Variants in GALNT13 observed in about 807,000 individuals in gnomAD.
The protein encoded by GALNT13 is UDP-GalNAc:polypeptide N-acetylgalactosaminyltransferase 13.
Under a neutral mutation model 64.2 loss-of-function variants are expected in GALNT13, and 28 were observed. The observed-to-expected ratio is 0.44, with a 90% CI of 0.32 to 0.60. The LOEUF (loss-of-function observed/expected upper bound fraction) is 0.60, where lower values mean the gene tolerates loss of function less well. Ranked by LOEUF, GALNT13 falls within the 20% of genes least tolerant of loss-of-function variation. GALNT13 has a pLI of 0.05. For missense variants in GALNT13, 577 were observed against 669.8 expected (o/e 0.86, Z 1.53); for synonymous variants, 214 against 224.6 (o/e 0.95, Z 0.42).
chr2:153,491,497 C>G, the GALNT13 span, among the ~76,000 whole-genome samples: 1 of 152,044 alleles, frequency 6.6e-6, no homozygotes, highest in East Asian at 1.9e-4. Flanking sequence ...TGAGCACAGA[C>G]TCTCCCTGTG....
At chr2:154,128,832 G>A (rs1488902522) in intron 3 of GALNT13, among the ~76,000 whole-genome samples, 1 of 152,090 alleles carries the variant, frequency 6.6e-6, no homozygotes, top group Non-Finnish European at 1.5e-5. Flanking sequence ...ATGGCTGCTA[G>A]AGCATCTGAA....
the GALNT13 span, among the ~76,000 whole-genome samples, chr2:153,795,814 T>G: frequency 1.1e-4 from 16 of 152,232 alleles, no homozygotes; most frequent in African/African-American, 3.9e-4. Context: ...TACGTTCTCC[T>G]ACTATATCAA....
chr2:154,249,642 T>C (rs1200822396), intron 7 of GALNT13, among the ~76,000 whole-genome samples: 1 of 152,174 alleles, frequency 6.6e-6, no homozygotes, highest in Non-Finnish European at 1.5e-5. Flanking sequence ...TGGACTCTTT[T>C]ACCTTTAATC....
intron 11 of GALNT13, among the ~76,000 whole-genome samples, chr2:154,416,940 T>A (rs1700033778): frequency 6.6e-6 from 1 of 152,234 alleles, no homozygotes; most frequent in Admixed American, 6.5e-5. Flanking sequence ...AGTGTGTCTA[T>A]AATTACCTTT....
At chr2:153,310,975 A>C in the GALNT13 span, among the ~76,000 whole-genome samples, 1 of 152,200 alleles carries the variant, frequency 6.6e-6, no homozygotes, top group Admixed American at 6.5e-5. Flanking sequence ...TGCTGGAAGA[A>C]ACTTGTGATG....
At chr2:153,189,221 C>G in the GALNT13 span, among the ~76,000 whole-genome samples, 1 of 152,102 alleles carries the variant, frequency 6.6e-6, no homozygotes, top group Non-Finnish European at 1.5e-5. Context: ...CCGTCCCATT[C>G]CCCAAAACCC....
At chr2:153,902,903 C>A (rs988012358) in intron 2 of GALNT13, among the ~76,000 whole-genome samples, 2 of 152,162 alleles carry the variant, frequency 1.3e-5, no homozygotes, top group East Asian at 1.9e-4. Flanking sequence ...GCTCCAGAGT[C>A]ATTGCAGTTT....
At chr2:153,324,840 T>C in the GALNT13 span, among the ~76,000 whole-genome samples, 1 of 152,186 alleles carries the variant, frequency 6.6e-6, no homozygotes, top group East Asian at 1.9e-4. Flanking sequence ...GCCAACTTGA[T>C]TGTGGTGGAT....
the GALNT13 span, among the ~76,000 whole-genome samples, chr2:153,727,701 A>G: frequency 1.3e-5 from 2 of 152,098 alleles, no homozygotes; most frequent in South Asian, 2.1e-4. Context: ...ATGTTTCTTA[A>G]TAACTAATGA....
At chr2:154,276,077 A>G (rs552088339) in intron 8 of GALNT13, among the ~76,000 whole-genome samples, 1 of 152,262 alleles carries the variant, frequency 6.6e-6, no homozygotes, top group Admixed American at 6.5e-5. Context: ...CCCCCATTGT[A>G]TCTAGGAGGT....
the GALNT13 span, among the ~76,000 whole-genome samples, chr2:153,384,323 T>C: frequency 1.3e-5 from 2 of 152,068 alleles, no homozygotes; most frequent in African/African-American, 4.8e-5. Context: ...TCTTAAAGGC[T>C]CTATCTGACA....
the GALNT13 span, among the ~76,000 whole-genome samples, chr2:153,220,802 A>T: frequency 6.6e-6 from 1 of 152,256 alleles, no homozygotes; most frequent in Admixed American, 6.5e-5. Flanking sequence ...AAAGAGAAAA[A>T]ATAATAAATA....
intron 3 of GALNT13, among the ~76,000 whole-genome samples, chr2:154,021,813 A>G (rs2068546080): frequency 6.7e-6 from 1 of 149,810 alleles, no homozygotes; most frequent in South Asian, 2.1e-4. Flanking sequence ...GTTTTTGCCC[A>G]TTCAGTATGA....
chr2:153,789,902 C>T, the GALNT13 span, among the ~76,000 whole-genome samples: 1 of 152,068 alleles, frequency 6.6e-6, no homozygotes, highest in Non-Finnish European at 1.5e-5. Context: ...ATTCCCTGAG[C>T]AGACCAATAA....
chr2:153,106,315 T>G, the GALNT13 span, among the ~76,000 whole-genome samples: 1 of 152,156 alleles, frequency 6.6e-6, no homozygotes, highest in African/African-American at 2.4e-5. Context: ...TCACTTGGCC[T>G]GTGTTCAGGG....
the GALNT13 span, among the ~76,000 whole-genome samples, chr2:153,226,057 C>A: frequency 6.6e-6 from 1 of 152,064 alleles, no homozygotes; most frequent in Non-Finnish European, 1.5e-5. Context: ...CTTCAGCCTC[C>A]TTAGTAGTAG....
Position 154,166,186 on chromosome 2 carries a change from C to T in GALNT13, c.311+25681C>T, listed in dbSNP as rs369862433. ...TTGGGAGGCTGAGGCGGGTGGATCA[C>T]CTGAGTTCGGGAGTTTGAGACCAGC... is the stretch of plus-strand genomic sequence containing the variant. On this transcript the variant is annotated intron_variant, in intron 4 of 12. Coordinates refer to ENST00000392825, the MANE Select transcript of GALNT13 (RefSeq NM_052917.4). 1.4e-3 allele frequency among the ~76,000 whole-genome samples: 211 copies of T among 152,260 alleles called. 2 individuals are homozygous for T. Among genetic ancestry groups the T allele is most frequent in the African/African-American group, 4.8e-3 (198 of 41,552 alleles).
At chr2:153,835,893 A>G in the GALNT13 span, among the ~76,000 whole-genome samples, 1 of 152,032 alleles carries the variant, frequency 6.6e-6, no homozygotes, top group African/African-American at 2.4e-5. Context: ...TGAATATCAG[A>G]TTACTCTTCT....
intron 4 of GALNT13, among the ~76,000 whole-genome samples, chr2:154,144,178 A>G (rs769498479): frequency 6.6e-4 from 100 of 152,278 alleles, no homozygotes; most frequent in Non-Finnish European, 1.2e-3. Context: ...ATACCATCCA[A>G]AATTCCTAGA....
Sources: gnomAD v4.1 joint callset for allele counts (sites outside exome capture counted in the v4.1 genomes callset) on GRCh38, gnomAD v4.1.1 for gene constraint, MANE v1.5 for transcripts, NCBI Gene and HGNC (gene_info 2026-07-23, HGNC 2026-07-21) for gene names.